PIP4K2A: variants seen among roughly 807,000 people sequenced by gnomAD.
PIP4K2A encodes the protein phosphatidylinositol-5-phosphate 4-kinase type 2 alpha.
A neutral mutation model predicts 42.9 loss-of-function variants in PIP4K2A; 14 were observed. The observed-to-expected ratio is 0.33, with a 90% CI of 0.22 to 0.51. The LOEUF (loss-of-function observed/expected upper bound fraction) is 0.51, where lower values mean the gene tolerates loss of function less well. Ranked by LOEUF, PIP4K2A falls within the 20% of genes least tolerant of loss-of-function variation. The pLI, the probability that PIP4K2A is intolerant of heterozygous loss-of-function variation, is 0.97. For synonymous variants in PIP4K2A, 192 were observed against 192.2 expected (o/e 1.00, Z 0.01); for missense variants, 434 against 519.8 (o/e 0.83, Z 1.61).
At chr10:22,609,597 T>C (rs200577568) in intron 2 of PIP4K2A, 23 bp downstream of exon 2, 4 of 1,339,150 alleles carry the variant, frequency 3.0e-6, no homozygotes, top group Non-Finnish European at 4.3e-6. Flanking sequence ...GCTAGTCTTA[T>C]GAAAGGTCAT....
intron 1 of PIP4K2A, among the ~76,000 whole-genome samples, chr10:22,617,688 CCT>C (rs1451694215): frequency 1.3e-5 from 2 of 151,998 alleles, no homozygotes; most frequent in East Asian, 1.9e-4. Context: ...GTGTGGAGCC[CCT>C]GTTGGGTATA....
At chr10:22,648,875 A>G (rs953510359) in intron 1 of PIP4K2A, among the ~76,000 whole-genome samples, 7 of 152,258 alleles carry the variant, frequency 4.6e-5, no homozygotes, top group Non-Finnish European at 8.8e-5. Flanking sequence ...CAATTCAGAG[A>G]TACTTGTGAT....
chr10:22,642,413 C>T (rs557422041), intron 1 of PIP4K2A, among the ~76,000 whole-genome samples: 3 of 152,154 alleles, frequency 2.0e-5, no homozygotes, highest in Non-Finnish European at 4.4e-5. Context: ...AAAAATCAAC[C>T]TTGTCACTCA....
At chr10:22,689,677 CTG>C in intron 1 of PIP4K2A, among the ~76,000 whole-genome samples, 3 of 152,200 alleles carry the variant, frequency 2.0e-5, no homozygotes, top group Middle Eastern at 6.8e-3. Context: ...TGAGGGATGA[CTG>C]TAAACAGATT....
At chr10:22,707,936 C>T (rs1264496907) in intron 1 of PIP4K2A, among the ~76,000 whole-genome samples, 1 of 152,100 alleles carries the variant, frequency 6.6e-6, no homozygotes, top group Non-Finnish European at 1.5e-5. Context: ...GAGTCTATGG[C>T]CTTCACTGGA....
At chr10:22,692,392 C>T (rs896793846) in intron 1 of PIP4K2A, among the ~76,000 whole-genome samples, 1 of 152,006 alleles carries the variant, frequency 6.6e-6, no homozygotes, top group East Asian at 1.9e-4. Flanking sequence ...GCTGTGTGGC[C>T]CAGTTCCTAA....
chr10:22,535,377 A>G lies in PIP4K2A; in HGVS notation c.*1824T>C, dbSNP rs1052121040. Reference sequence around the variant, plus strand: ...TACACTACGTGACAGTGGTGTTAACACTGGCTGCTGAGGATACCAAATCTA... The same window carrying G: ...TACACTACGTGACAGTGGTGTTAACGCTGGCTGCTGAGGATACCAAATCTA... On this transcript the variant is annotated 3_prime_UTR_variant, in exon 10 of 10. Transcript: ENST00000376573. The G allele has an allele frequency of 6.6e-6, 1 of 152,238 alleles. No homozygotes were observed. The highest frequency in any genetic ancestry group is 1.5e-5 in the Non-Finnish European group (1 of 68,044). 9.4% of individuals were successfully genotyped at this position (152,238 alleles called of 1,614,324 possible). A position where few individuals can be genotyped will look rare whatever the true frequency, so the allele number is the denominator to read the frequency against.
At chr10:22,714,160 G>A (rs895068306) in intron 1 of PIP4K2A, 23 bp downstream of exon 1, 2 of 1,591,796 alleles carry the variant, frequency 1.3e-6, no homozygotes, top group Non-Finnish European at 1.7e-6. Context: ...GAAGGGGACC[G>A]CGCGCCGCAG....
chr10:22,690,587 T>A (rs1839848262), intron 1 of PIP4K2A, among the ~76,000 whole-genome samples: 1 of 152,178 alleles, frequency 6.6e-6, no homozygotes, highest in Non-Finnish European at 1.5e-5. Context: ...TATGTGCTCT[T>A]TTCTTCAAAG....
chr10:22,635,084 G>T (rs1192613614), intron 1 of PIP4K2A, among the ~76,000 whole-genome samples: 1 of 152,110 alleles, frequency 6.6e-6, no homozygotes, highest in Non-Finnish European at 1.5e-5. Flanking sequence ...AGCACATTTG[G>T]GGGAGGGAGG....
rs1025097379 is a variant in PIP4K2A at position 22,536,382 on chromosome 10, T to C, written c.*819A>G. 2.1e-4 allele frequency: 72 copies of C among 341,452 alleles called. No individual in the cohort carries two copies. Among genetic ancestry groups the C allele is most frequent in the East Asian group, 1.0e-3 (24 of 23,876 alleles). 21.2% of individuals were successfully genotyped at this position (341,452 alleles called of 1,614,324 possible). A position where few individuals can be genotyped will look rare whatever the true frequency, so the allele number is the denominator to read the frequency against. The stretch of plus-strand genomic sequence containing the variant: ...AAGGCTCCAGGCAAGAAAAGAGAAG[T>C]AAGCAGTTTTCCTGGACATATTGGC... On this transcript the variant is annotated 3_prime_UTR_variant, in exon 10 of 10. Coordinates refer to ENST00000376573, the MANE Select transcript of PIP4K2A (RefSeq NM_005028.5).
intron 6 of PIP4K2A, among the ~76,000 whole-genome samples, chr10:22,563,904 G>A (rs1564422487): frequency 6.6e-6 from 1 of 152,190 alleles, no homozygotes; most frequent in Non-Finnish European, 1.5e-5. Flanking sequence ...TGCCAGTTGT[G>A]ACTTCCTCTA....
chr10:22,579,371 CGAT>C (rs1247484954), intron 4 of PIP4K2A, among the ~76,000 whole-genome samples: 3 of 152,110 alleles, frequency 2.0e-5, no homozygotes, highest in Non-Finnish European at 2.9e-5. Context: ...GAATCACATC[CGAT>C]GATTTATACA....
chr10:22,705,659 T>G (rs753111868), intron 1 of PIP4K2A, among the ~76,000 whole-genome samples: 2 of 151,982 alleles, frequency 1.3e-5, no homozygotes, highest in African/African-American at 4.8e-5. Flanking sequence ...CATGTCTTGT[T>G]AAAATGTACA....
intron 6 of PIP4K2A, among the ~76,000 whole-genome samples, chr10:22,563,662 T>C (rs1445052228): frequency 6.6e-6 from 1 of 152,162 alleles, no homozygotes; most frequent in Admixed American, 6.5e-5. Context: ...CAGTGTGGCA[T>C]AGTGGTTAGA....
intron 4 of PIP4K2A, among the ~76,000 whole-genome samples, chr10:22,574,741 C>T (rs1047405201): frequency 8.5e-5 from 13 of 152,108 alleles, no homozygotes; most frequent in African/African-American, 3.1e-4. Context: ...AGTAGAGTTT[C>T]ACCTTGTTAT....
chr10:22,604,397 G>A (rs1283237708), intron 3 of PIP4K2A, among the ~76,000 whole-genome samples: 3 of 151,828 alleles, frequency 2.0e-5, no homozygotes, highest in Admixed American at 1.3e-4. Flanking sequence ...AACAAGACAA[G>A]TCGGGACCAT....
intron 1 of PIP4K2A, among the ~76,000 whole-genome samples, chr10:22,675,302 G>GAGAA (rs1839535854): frequency 6.6e-6 from 1 of 152,016 alleles, no homozygotes; most frequent in Admixed American, 6.6e-5. Context: ...CATTGTTGAG[G>GAGAA]AGAAGCCAGG....
chr10:22,681,691 A>T (rs775887278), intron 1 of PIP4K2A, among the ~76,000 whole-genome samples: 2 of 152,006 alleles, frequency 1.3e-5, no homozygotes, highest in Non-Finnish European at 2.9e-5. Flanking sequence ...AAAATAAAAT[A>T]AATAAAATTA....
Sources: allele counts gnomAD v4.1 joint callset (sites outside exome capture counted in the v4.1 genomes callset), GRCh38; gene constraint gnomAD v4.1.1; transcripts MANE v1.5; gene names NCBI Gene and HGNC (gene_info 2026-07-23, HGNC 2026-07-21).